The following NBEAL1 variants were observed in gnomAD, a reference collection of about 807,000 sequenced individuals.
NBEAL1 encodes neurobeachin like 1.
In NBEAL1, 273 loss-of-function variants were observed where a neutral mutation model predicts 351.3. The observed-to-expected ratio is 0.78, with a 90% CI of 0.70 to 0.86. The LOEUF is 0.86. Among genes scored for constraint, NBEAL1 ranks in the 40% least tolerant of loss-of-function variants. The probability of loss-of-function intolerance (pLI) is 0.00; values close to 1 mark genes in which losing one functional copy is unlikely to be tolerated. For synonymous variants in NBEAL1, 1,050 were observed against 1,086.4 expected (o/e 0.97, Z 0.66); for missense variants, 2,961 against 3,201.3 (o/e 0.92, Z 1.81).
rs369979914 is a variant in NBEAL1 at position 203,199,495 on chromosome 2, T to C, written c.7238+48T>C. 4.4e-6 allele frequency: 4 copies of C among 918,864 alleles called. No homozygotes were observed. The African/African-American group carries it at 5.1e-5, about 12-fold the overall frequency. 56.9% of individuals were successfully genotyped at this position (918,864 alleles called of 1,614,324 possible). On this transcript the variant is annotated intron_variant, in intron 49 of 55. Transcript: ENST00000683969. ...CAAAATAGCTATACCAGATACCTTA[T>C]TGCCAGGAAAAAAACTAGATTAATT...
At chr2:203,070,607 C>T (rs936017080) in intron 7 of NBEAL1, among the ~76,000 whole-genome samples, 7 of 152,116 alleles carry the variant, frequency 4.6e-5, no homozygotes, top group African/African-American at 1.2e-4. Flanking sequence ...TTAATTGGCT[C>T]GTGGTTCCAC....
intron 8 of NBEAL1, among the ~76,000 whole-genome samples, chr2:203,081,199 A>T (rs1431871593): frequency 6.6e-6 from 1 of 152,218 alleles, no homozygotes; most frequent in African/African-American, 2.4e-5. Context: ...CATGTCATAA[A>T]GGTCAGAAAA....
chr2:203,034,305 G>C (rs1171729516), intron 2 of NBEAL1, among the ~76,000 whole-genome samples: 2 of 151,668 alleles, frequency 1.3e-5, no homozygotes, highest in East Asian at 3.9e-4. Context: ...CTACAGGCGT[G>C]TGCCACCATA....
chr2:203,111,910 C>T, intron 15 of NBEAL1, 69 bp from the exon 16 acceptor site: 10 of 1,477,418 alleles, frequency 6.8e-6, no homozygotes, highest in Non-Finnish European at 9.1e-6. Context: ...GAGCAAACTT[C>T]TGAAAGCATT....
chr2:203,157,041 A>G (rs2063815034), intron 35 of NBEAL1, among the ~76,000 whole-genome samples: 1 of 152,182 alleles, frequency 6.6e-6, no homozygotes, highest in African/African-American at 2.4e-5. Flanking sequence ...CCATTTTACA[A>G]TTTAGAAAAC....
At chr2:203,118,793 T>G (rs2062757614) in intron 18 of NBEAL1, among the ~76,000 whole-genome samples, 1 of 152,164 alleles carries the variant, frequency 6.6e-6, no homozygotes, top group Non-Finnish European at 1.5e-5. Flanking sequence ...TTCACCATGT[T>G]GGCCAGGCTG....
intron 33 of NBEAL1, among the ~76,000 whole-genome samples, chr2:203,147,657 A>T (rs1214264403): frequency 2.6e-5 from 4 of 152,110 alleles, no homozygotes; most frequent in Non-Finnish European, 5.9e-5. Context: ...TATTGTAAAC[A>T]TCTTCCCATG....
At chr2:203,079,887 A>G (rs1010690289) in intron 8 of NBEAL1, among the ~76,000 whole-genome samples, 10 of 152,166 alleles carry the variant, frequency 6.6e-5, no homozygotes, top group African/African-American at 2.4e-4. Flanking sequence ...TTTTTAACTT[A>G]TAGCTCTAGG....
rs188437173 is a variant in NBEAL1, at chr2:203,066,150, A to G, written c.516-2243A>G. Among the ~76,000 whole-genome samples the G allele has an allele frequency of 1.6e-3, 243 of 152,326 alleles. 2 individuals carry two copies. Among genetic ancestry groups the G allele is most frequent in the Admixed American group, 0.013 (206 of 15,302 alleles). ...ACTTTAGAATGAGTCATTGATCACA[A>G]ATTGTAGAAGTACATTTTTATTATG... On this transcript the variant is annotated intron_variant, in intron 6 of 55. Transcript: ENST00000683969.
chr2:203,190,819 T>C (rs2065052054), intron 46 of NBEAL1: 5 of 1,611,062 alleles, frequency 3.1e-6, no homozygotes, highest in Non-Finnish European at 4.2e-6. Flanking sequence ...CAAAGTCGTA[T>C]ACCTGAGGTG....
At chr2:203,102,405 C>T (rs185560407) in intron 12 of NBEAL1, among the ~76,000 whole-genome samples, 52 of 152,312 alleles carry the variant, frequency 3.4e-4, no homozygotes, top group Middle Eastern at 6.8e-3. Context: ...AAGGGGAATG[C>T]TTCCAGCTTT....
intron 2 of NBEAL1, among the ~76,000 whole-genome samples, chr2:203,018,957 G>T (rs1442486079): frequency 6.6e-6 from 1 of 151,904 alleles, no homozygotes; most frequent in African/African-American, 2.4e-5. Context: ...CCACTGTTTG[G>T]CTCAGTATTT....
chr2:203,195,861 A>G (rs1259547266), intron 47 of NBEAL1, among the ~76,000 whole-genome samples: 1 of 152,204 alleles, frequency 6.6e-6, no homozygotes, highest in Admixed American at 6.5e-5. Context: ...CAAAATTCCA[A>G]ACTCCAGAAG....
chr2:203,100,497 T>C (rs2062291477), intron 12 of NBEAL1, among the ~76,000 whole-genome samples: 1 of 152,080 alleles, frequency 6.6e-6, no homozygotes. Flanking sequence ...CTCTAATGAT[T>C]AGTGATGTTT....
chr2:203,026,126 G>A (rs769669854), intron 2 of NBEAL1, among the ~76,000 whole-genome samples: 1 of 152,052 alleles, frequency 6.6e-6, no homozygotes, highest in Non-Finnish European at 1.5e-5. Flanking sequence ...TACTTGTCTT[G>A]CTCCTCATTT....
chr2:203,146,113 C>T (rs1254153345), intron 33 of NBEAL1, among the ~76,000 whole-genome samples: 3 of 152,022 alleles, frequency 2.0e-5, no homozygotes, highest in East Asian at 1.9e-4. Context: ...TACTACAAAC[C>T]ACTCTATGCA....
At chr2:203,169,388 T>TAAAAAAAAAAA (rs1208449990) in intron 38 of NBEAL1, among the ~76,000 whole-genome samples, 1 of 89,626 alleles carries the variant, frequency 1.1e-5, no homozygotes, top group African/African-American at 4.4e-5. Context: ...TTGAATATAG[T>TAAAAAAAAAAA]AAAAAAAAAA....
At chr2:203,047,632 A>G (rs1332744320) in intron 3 of NBEAL1, among the ~76,000 whole-genome samples, 1 of 152,144 alleles carries the variant, frequency 6.6e-6, no homozygotes, top group Non-Finnish European at 1.5e-5. Flanking sequence ...CAGCACAGGA[A>G]TTGTCTACCC....
chr2:203,091,814 A>C (rs2062070285), intron 10 of NBEAL1, among the ~76,000 whole-genome samples: 1 of 152,140 alleles, frequency 6.6e-6, no homozygotes, highest in Non-Finnish European at 1.5e-5. Flanking sequence ...CCCATTTTAA[A>C]ATCAGATTTG....
Sources: allele counts gnomAD v4.1 joint callset (sites outside exome capture counted in the v4.1 genomes callset), GRCh38; gene constraint gnomAD v4.1.1; transcripts MANE v1.5; gene names NCBI Gene and HGNC (gene_info 2026-07-23, HGNC 2026-07-21).